The following ESRRG variants were observed in gnomAD, a reference collection of about 807,000 sequenced individuals.
ESRRG encodes estrogen related receptor gamma.
Under a neutral mutation model 44.0 loss-of-function variants are expected in ESRRG, and 13 were observed. That is an observed-to-expected ratio of 0.30 (90% CI 0.19 to 0.47). The LOEUF (loss-of-function observed/expected upper bound fraction) is 0.47. Ranked by LOEUF, ESRRG falls within the 20% of genes least tolerant of loss-of-function variation. ESRRG has a pLI of 1.00. For synonymous variants in ESRRG, 215 were observed against 214.6 expected (o/e 1.00, Z -0.02); for missense variants, 395 against 580.6 (o/e 0.68, Z 3.29).
chr1:216,910,731 ACT>A (rs1386067530), intron 2 of ESRRG, among the ~76,000 whole-genome samples: 3 of 152,054 alleles, frequency 2.0e-5, no homozygotes, highest in African/African-American at 7.2e-5. Flanking sequence ...CTATATGGAG[ACT>A]CTATTGGTGG....
At chr1:216,538,541 G>A (rs2051697491) in intron 5 of ESRRG, among the ~76,000 whole-genome samples, 1 of 151,978 alleles carries the variant, frequency 6.6e-6, no homozygotes, top group African/African-American at 2.4e-5. Context: ...GAGGTGACTC[G>A]GGCAGCTGAG....
At chr1:216,559,670 G>C (rs767870308) in intron 5 of ESRRG, among the ~76,000 whole-genome samples, 4 of 152,104 alleles carry the variant, frequency 2.6e-5, no homozygotes, top group Non-Finnish European at 4.4e-5. Flanking sequence ...ATTTTATTGT[G>C]CTTTTGCACG....
chr1:216,575,541 C>T (rs2061542954), intron 3 of ESRRG, among the ~76,000 whole-genome samples: 3 of 152,088 alleles, frequency 2.0e-5, no homozygotes, highest in Admixed American at 6.6e-5. Context: ...TAGGCAACGG[C>T]TTAATGACTT....
chr1:216,838,201 A>G (rs1326462484), intron 2 of ESRRG, among the ~76,000 whole-genome samples: 3 of 152,200 alleles, frequency 2.0e-5, no homozygotes, highest in African/African-American at 7.2e-5. Context: ...GCGAGGGAAC[A>G]GAGAGATCAT....
intron 3 of ESRRG, among the ~76,000 whole-genome samples, chr1:216,582,463 A>G (rs993646520): frequency 1.3e-5 from 2 of 151,934 alleles, no homozygotes; most frequent in African/African-American, 4.8e-5. Flanking sequence ...TTTTTTTGAG[A>G]CAGAGTCTTG....
chr1:216,935,090 C>A (rs1472071756), intron 2 of ESRRG, among the ~76,000 whole-genome samples: 2 of 152,184 alleles, frequency 1.3e-5, no homozygotes, highest in Non-Finnish European at 2.9e-5. Context: ...GCTTTTCCTA[C>A]TCTCACATTC....
At chr1:216,810,023 A>G (rs762789275) in intron 2 of ESRRG, among the ~76,000 whole-genome samples, 46 of 152,150 alleles carry the variant, frequency 3.0e-4, no homozygotes, top group Non-Finnish European at 5.3e-4. Flanking sequence ...AGGGGGAGGA[A>G]AAAAGGACAG....
chr1:217,119,341 T>C (rs969122801), intron 1 of ESRRG, among the ~76,000 whole-genome samples: 6 of 152,188 alleles, frequency 3.9e-5, no homozygotes, highest in Non-Finnish European at 8.8e-5. Context: ...GTTCTGCCAT[T>C]CTGACTCCAA....
rs764617942 is a variant in ESRRG, at chr1:216,706,193, C to A, written c.56+17051G>T. Among the ~76,000 whole-genome samples the A allele has an allele frequency of 2.6e-5, 4 of 152,000 alleles. No individual in the cohort carries two copies. In the South Asian group the frequency reaches 8.3e-4, roughly 32 times the overall value. On this transcript the variant is annotated intron_variant, in intron 1 of 6. Transcript: ENST00000408911. ...GAATGCATCCATTTTAAACAGTCCA[C>A]CTCAGCTTTAAAAAGTGAAGAGAAT...
At chr1:216,762,237 T>TA (rs61234832) in intron 2 of ESRRG, among the ~76,000 whole-genome samples, 35,220 of 151,752 alleles carry the variant, frequency 0.23, 4,209 homozygotes, top group Middle Eastern at 0.34. Flanking sequence ...ATCATGCTGC[T>TA]ATAAAGACAC....
chr1:216,528,417 A>C (rs1375568856), intron 5 of ESRRG, among the ~76,000 whole-genome samples: 1 of 152,080 alleles, frequency 6.6e-6, no homozygotes, highest in African/African-American at 2.4e-5. Context: ...TTCACAACAG[A>C]CTTCATGATA....
chr1:216,535,748 A>G (rs143668112), intron 5 of ESRRG, among the ~76,000 whole-genome samples: 173 of 151,962 alleles, frequency 1.1e-3, no homozygotes, highest in African/African-American at 3.7e-3. Flanking sequence ...CTCTATTCTG[A>G]TAAAATCTTA....
At chr1:216,769,173 GGA>G (rs1401808866) in intron 2 of ESRRG, among the ~76,000 whole-genome samples, 1 of 152,098 alleles carries the variant, frequency 6.6e-6, no homozygotes, top group African/African-American at 2.4e-5. Flanking sequence ...GGAGAATTGA[GGA>G]GAGTGAAGAC....
At position 216,630,490 on chromosome 1, in the gene ESRRG, G is replaced by A. The variant is rs1178025894; in HGVS notation, c.589+20483C>T. The stretch of plus-strand genomic sequence containing the variant: ...CACACACACACAATTAAATCTTATA[G>A]GAAAAGGCGTCTACCTCTGCCAAAT... On this transcript the variant is annotated intron_variant, in intron 3 of 6. Transcript: ENST00000408911. Among the ~76,000 whole-genome samples, 6 of 151,110 alleles carry A rather than the reference G, an allele frequency of 4.0e-5. No homozygotes were observed. The South Asian group carries it at 1.0e-3, about 26-fold the overall frequency.
intron 1 of ESRRG, among the ~76,000 whole-genome samples, chr1:216,957,329 C>T (rs1287475985): frequency 6.6e-6 from 1 of 152,132 alleles, no homozygotes; most frequent in Non-Finnish European, 1.5e-5. Context: ...ATAACCTTAG[C>T]CAAGATGTCT....
At chr1:216,917,145 A>G (rs1393434676) in intron 2 of ESRRG, among the ~76,000 whole-genome samples, 1 of 149,538 alleles carries the variant, frequency 6.7e-6, no homozygotes, top group East Asian at 2.0e-4. Context: ...CTCCAGCAGC[A>G]TAAATAGACT....
chr1:216,523,370 G>A (rs772570049), intron 5 of ESRRG, among the ~76,000 whole-genome samples: 1 of 152,140 alleles, frequency 6.6e-6, no homozygotes, highest in Non-Finnish European at 1.5e-5. Context: ...AGCTTCTCAA[G>A]AGGCAGGTAC....
intron 5 of ESRRG, among the ~76,000 whole-genome samples, chr1:216,561,536 C>T (rs150863332): frequency 6.6e-6 from 1 of 152,146 alleles, no homozygotes; most frequent in East Asian, 1.9e-4. Context: ...AGAAATGTGA[C>T]TTTTATCTTT....
chr1:216,769,729 T>C (rs1242693054), intron 2 of ESRRG, among the ~76,000 whole-genome samples: 2 of 152,084 alleles, frequency 1.3e-5, no homozygotes, highest in Non-Finnish European at 2.9e-5. Flanking sequence ...AGGAAGCAAG[T>C]TAAGGACAAA....
Sources: allele counts gnomAD v4.1 joint callset (sites outside exome capture counted in the v4.1 genomes callset), GRCh38; gene constraint gnomAD v4.1.1; transcripts MANE v1.5; gene names NCBI Gene and HGNC (gene_info 2026-07-23, HGNC 2026-07-21).